TUBA1C: variants seen among roughly 807,000 people sequenced by gnomAD.
TUBA1C encodes the protein tubulin alpha-1C chain.
TUBA1C carries 16 observed loss-of-function variants against 34.9 expected under a neutral mutation model. The ratio of observed to expected loss-of-function variants is 0.46; its 90% CI spans 0.31 to 0.70. The LOEUF (loss-of-function observed/expected upper bound fraction) is 0.70. TUBA1C is among the 30% of genes least tolerant of loss of function. TUBA1C has a pLI of 0.05. For missense variants in TUBA1C, 329 were observed against 587.3 expected, an observed-to-expected ratio of 0.56 and a Z score of 4.55; for synonymous variants, 177 against 215.9, an observed-to-expected ratio of 0.82 and a Z score of 1.58.
upstream of TUBA1C, among the ~76,000 whole-genome samples, chr12:49,263,023 CT>C (rs758187649): frequency 4.9e-3 from 572 of 117,108 alleles, 3 homozygotes; most frequent in South Asian, 0.019. Context: ...GAGAATTACT[CT>C]TTTTTTTTTT....
chr12:49,234,727 T>G (rs973903162), intron 1 of TUBA1C, among the ~76,000 whole-genome samples: 2 of 152,252 alleles, frequency 1.3e-5, no homozygotes, highest in Non-Finnish European at 2.9e-5. Flanking sequence ...TCTTCACATA[T>G]CGCTGTCCGC....
chr12:49,271,334 G>A (rs909359759), intron 3 of TUBA1C, among the ~76,000 whole-genome samples: 11 of 152,164 alleles, frequency 7.2e-5, no homozygotes, highest in South Asian at 2.1e-4. Flanking sequence ...TCATTCCTTC[G>A]TAAAGTAGCA....
At chr12:49,250,473 G>C (rs1303981019) in intron 1 of TUBA1C, among the ~76,000 whole-genome samples, 1 of 147,836 alleles carries the variant, frequency 6.8e-6, no homozygotes, top group Non-Finnish European at 1.5e-5. Flanking sequence ...GCAGTGAGCC[G>C]AGATCGCGCC....
chr12:49,240,728 C>CA, intron 1 of TUBA1C, among the ~76,000 whole-genome samples: 1 of 152,292 alleles, frequency 6.6e-6, no homozygotes, highest in South Asian at 2.1e-4. Context: ...GCTGGCACTA[C>CA]AGGCGTGCAC....
At chr12:49,265,622 T>TC (rs1206489790) in intron 1 of TUBA1C, among the ~76,000 whole-genome samples, 1 of 152,098 alleles carries the variant, frequency 6.6e-6, no homozygotes, top group Non-Finnish European at 1.5e-5. Flanking sequence ...ACTTCCTGGC[T>TC]CCCCCTCTCC....
intron 1 of TUBA1C, among the ~76,000 whole-genome samples, chr12:49,243,585 G>A (rs80322374): frequency 0.014 from 2,150 of 152,186 alleles, 56 homozygotes; most frequent in African/African-American, 0.049. Flanking sequence ...CTAAGGGATA[G>A]CTTTTTGTTT....
intron 1 of TUBA1C, among the ~76,000 whole-genome samples, chr12:49,232,586 C>T (rs182564176): frequency 7.0e-4 from 106 of 152,252 alleles, no homozygotes; most frequent in African/African-American, 2.5e-3. Flanking sequence ...TATGTTAAAT[C>T]CTTCTTATGA....
At chr12:49,245,758 C>G (rs1053331032) in intron 1 of TUBA1C, among the ~76,000 whole-genome samples, 1 of 152,200 alleles carries the variant, frequency 6.6e-6, no homozygotes, top group Non-Finnish European at 1.5e-5. Flanking sequence ...TGCAACTATA[C>G]TCAAAGTGGG....
intron 1 of TUBA1C, among the ~76,000 whole-genome samples, chr12:49,255,755 A>G (rs1462147326): frequency 6.6e-6 from 1 of 152,054 alleles, no homozygotes; most frequent in Non-Finnish European, 1.5e-5. Flanking sequence ...TATTAGAGAC[A>G]GGGTTTCACC....
Position 49,269,950 on chromosome 12 carries a change from C to G in TUBA1C, c.349C>G (p.Leu117Val). Residue 117 changes from leucine to valine, a missense_variant, in exon 3 of 4, where the codon CTC (leucine) becomes GTC (valine). Around this residue, in one of 4 missense-constraint regions of TUBA1C, gnomAD observed 152 missense variants for 240.3 expected, o/e 0.63. Transcript: ENST00000301072. ...HYTIGKEIID[L>V]VLDRIRKLAD... Reference sequence around the variant, plus strand: ...CACCATTGGCAAGGAGATCATTGACCTCGTGTTGGACCGAATTCGCAAGCT... The same window carrying G: ...CACCATTGGCAAGGAGATCATTGACGTCGTGTTGGACCGAATTCGCAAGCT... The G allele has an allele frequency of 6.2e-7, 1 of 1,614,204 alleles. No individual in the cohort carries two copies. Among genetic ancestry groups the G allele is most frequent in the Non-Finnish European group, 8.5e-7 (1 of 1,180,050 alleles).
At chr12:49,254,343 C>T (rs1183290267) in intron 1 of TUBA1C, among the ~76,000 whole-genome samples, 1 of 147,964 alleles carries the variant, frequency 6.8e-6, no homozygotes, top group East Asian at 2.0e-4. Context: ...AGCCGAGTGT[C>T]GTGGTGCACG....
intron 1 of TUBA1C, among the ~76,000 whole-genome samples, chr12:49,249,320 G>C (rs1014966802): frequency 1.4e-4 from 22 of 151,942 alleles, no homozygotes; most frequent in Non-Finnish European, 4.4e-5. Context: ...CCAGGTACTC[G>C]GGAGGTGGAG....
At position 49,272,426 on chromosome 12, in the gene TUBA1C, G is replaced by A; in HGVS notation, c.549G>A (p.Glu183=). 2 of 1,613,626 alleles carry A rather than the reference G, an allele frequency of 1.2e-6. No homozygotes were observed. The highest frequency in any genetic ancestry group is 1.1e-5 in the South Asian group (1 of 91,050). Residue 183 remains glutamate, a synonymous_variant, in exon 4 of 4, where the codon GAG becomes GAA. Transcript: ENST00000301072. ...PAPQVSTAVV[E]PYNSILTTHT... ...CCCAGGTTTCCACAGCTGTAGTTGA[G>A]CCCTACAACTCCATCCTCACCACCC...
intron 1 of TUBA1C, chr12:49,256,427 C>T (rs528312487): frequency 3.3e-5 from 15 of 455,092 alleles, no homozygotes; most frequent in Non-Finnish European, 5.3e-5. Flanking sequence ...CCTTGGGTTC[C>T]GTACATATAA....
rs1389884238 is a variant in TUBA1C, at chr12:49,273,337, T to G, written c.*110T>G. ...AAAATTGAAGTTTCCATTTTAAATG[T>G]CGAGCTGACTTAAATACTTGATCCA... On this transcript the variant is annotated 3_prime_UTR_variant, in exon 4 of 4. Coordinates refer to ENST00000301072, the MANE Select transcript of TUBA1C (RefSeq NM_032704.5). The G allele has an allele frequency of 1.3e-6, 2 of 1,590,098 alleles. No homozygotes were observed. The highest frequency in any genetic ancestry group is 2.2e-5 in the East Asian group (1 of 44,640).
chr12:49,244,355 G>T (rs1261901024), intron 1 of TUBA1C, among the ~76,000 whole-genome samples: 1 of 151,982 alleles, frequency 6.6e-6, no homozygotes, highest in Non-Finnish European at 1.5e-5. Context: ...CTTCTGATTT[G>T]GGAGACTATG....
chr12:49,242,574 C>T (rs1942628436), intron 1 of TUBA1C, among the ~76,000 whole-genome samples: 1 of 151,388 alleles, frequency 6.6e-6, no homozygotes, highest in Non-Finnish European at 1.5e-5. Context: ...TTCAAGCAAT[C>T]CTCCCACCTC....
intron 1 of TUBA1C, among the ~76,000 whole-genome samples, chr12:49,241,517 G>A (rs1396507736): frequency 6.6e-6 from 1 of 152,154 alleles, no homozygotes; most frequent in Non-Finnish European, 1.5e-5. Flanking sequence ...TGATGTGAGT[G>A]TGAGTTTAAG....
At chr12:49,247,249 G>C (rs1322085479) in intron 1 of TUBA1C, among the ~76,000 whole-genome samples, 1 of 151,830 alleles carries the variant, frequency 6.6e-6, no homozygotes, top group East Asian at 1.9e-4. Flanking sequence ...ATTTAGCCCA[G>C]GCAAGTCACT....
Sources: allele counts gnomAD v4.1 joint callset (sites outside exome capture counted in the v4.1 genomes callset), GRCh38; gene constraint gnomAD v4.1.1; regional missense constraint gnomAD v4.1.1; transcripts MANE v1.5; gene names NCBI Gene and HGNC (gene_info 2026-07-23, HGNC 2026-07-21).